Variants in GBF1 observed in about 807,000 individuals in gnomAD.
GBF1 encodes golgi brefeldin A resistant guanine nucleotide exchange factor 1.
A neutral mutation model predicts 210.5 loss-of-function variants in GBF1; 114 were observed. That is an observed-to-expected ratio of 0.54 (90% CI 0.47 to 0.63). GBF1 has a LOEUF of 0.63. GBF1 is among the 30% of genes least tolerant of loss of function. The pLI is 0.00. For missense variants in GBF1, 1,851 were observed against 2,357.7 expected (o/e 0.79, Z 4.45); for synonymous variants, 850 against 889.2 (o/e 0.96, Z 0.78).
the GBF1 span, among the ~76,000 whole-genome samples, chr10:102,235,097 G>A: frequency 2.8e-4 from 43 of 151,726 alleles, no homozygotes; most frequent in Middle Eastern, 3.2e-3. Context: ...GACACGTACC[G>A]TCACACAGTC....
intron 4 of GBF1, among the ~76,000 whole-genome samples, chr10:102,346,642 G>A (rs931704147): frequency 2.2e-4 from 33 of 152,146 alleles, no homozygotes; most frequent in Non-Finnish European, 4.3e-4. Flanking sequence ...CAAGTAGCTG[G>A]GACTATAGGC....
At chr10:102,232,020 C>T in the GBF1 span, 14 of 1,608,662 alleles carry the variant, frequency 8.7e-6, no homozygotes, top group African/African-American at 1.3e-5. Context: ...GGAGTGCCAG[C>T]GTCTGACAGC....
chr10:102,359,129 G>A lies in GBF1; in HGVS notation c.1012-138G>A, dbSNP rs1398713666. ...ATACTCCTACCTGAGCCATCTTGCGGTGATTCATAAACCACTGAGTTGGCC... is the reference window on the plus strand; with the variant it reads ...ATACTCCTACCTGAGCCATCTTGCGATGATTCATAAACCACTGAGTTGGCC... On this transcript the variant is annotated intron_variant, in intron 10 of 39. Coordinates refer to ENST00000369983, the MANE Select transcript of GBF1 (RefSeq NM_001377137.1). 8 of 671,230 alleles carry A rather than the reference G, an allele frequency of 1.2e-5. No homozygotes were observed. The East Asian group carries it at 2.2e-4, about 18-fold the overall frequency. 41.6% of individuals were successfully genotyped at this position (671,230 alleles called of 1,614,324 possible).
chr10:102,379,154 G>T, intron 33 of GBF1, 130 bp from the exon 34 acceptor site: 1 of 763,370 alleles, frequency 1.3e-6, no homozygotes, highest in South Asian at 1.8e-5. Context: ...AGAGTAGCGA[G>T]GGGGTGAGGT....
intron 3 of GBF1, among the ~76,000 whole-genome samples, chr10:102,285,802 G>A (rs2075882794): frequency 6.6e-6 from 1 of 151,904 alleles, no homozygotes; most frequent in African/African-American, 2.4e-5. Flanking sequence ...TAGAATTGTA[G>A]CTTTCCTTCT....
chr10:102,297,501 A>T (rs1307430653), intron 3 of GBF1, among the ~76,000 whole-genome samples: 1 of 152,240 alleles, frequency 6.6e-6, no homozygotes, highest in East Asian at 1.9e-4. Context: ...CATAGCAAAC[A>T]TCAGTTGAGG....
At chr10:102,346,726 T>G (rs1248040106) in intron 4 of GBF1, among the ~76,000 whole-genome samples, 1 of 152,184 alleles carries the variant, frequency 6.6e-6, no homozygotes, top group Non-Finnish European at 1.5e-5. Flanking sequence ...CAGGCTGGTC[T>G]TGAACTCCTG....
chr10:102,318,877 C>T (rs2056113432), intron 3 of GBF1, among the ~76,000 whole-genome samples: 1 of 152,186 alleles, frequency 6.6e-6, no homozygotes, highest in Non-Finnish European at 1.5e-5. Flanking sequence ...TCCATCCTCC[C>T]AATATAATTA....
chr10:102,249,858 A>C (rs1302144165), intron 1 of GBF1, among the ~76,000 whole-genome samples: 3 of 151,850 alleles, frequency 2.0e-5, no homozygotes, highest in Non-Finnish European at 4.4e-5. Flanking sequence ...CACCCAGCTA[A>C]TTTTTGTATT....
intron 3 of GBF1, among the ~76,000 whole-genome samples, chr10:102,323,972 T>C (rs1268197450): frequency 2.0e-5 from 3 of 152,116 alleles, no homozygotes; most frequent in African/African-American, 7.2e-5. Context: ...TTCCCCTCTT[T>C]TCCCCAGCAT....
chr10:102,247,553 G>GT (rs2071000475), intron 1 of GBF1, among the ~76,000 whole-genome samples: 1 of 152,156 alleles, frequency 6.6e-6, no homozygotes, highest in Non-Finnish European at 1.5e-5. Context: ...TCTAGTCTCT[G>GT]GGTAGGCAGT....
chr10:102,298,177 C>T (rs1409429027), intron 3 of GBF1, among the ~76,000 whole-genome samples: 2 of 152,114 alleles, frequency 1.3e-5, no homozygotes, highest in Admixed American at 1.3e-4. Context: ...TCGTGATCCC[C>T]CCGCCTCAGC....
chr10:102,231,877 TC>T, the GBF1 span: 2 of 1,567,234 alleles, frequency 1.3e-6, no homozygotes, highest in Non-Finnish European at 8.7e-7. Flanking sequence ...ACTCGCTGGC[TC>T]CCACCGGGGC....
Position 102,254,457 on chromosome 10 carries a change from A to G in GBF1, c.-10-4472A>G, listed in dbSNP as rs1038785773. Among the ~76,000 whole-genome samples the G allele has an allele frequency of 2.6e-5, 4 of 152,212 alleles. No homozygotes were observed. The East Asian group carries it at 7.7e-4, about 29-fold the overall frequency. On this transcript the variant is annotated intron_variant, in intron 1 of 39. Coordinates refer to ENST00000369983, the MANE Select transcript of GBF1 (RefSeq NM_001377137.1). ...TTCATATTTAAATAACCTGAGATATATTTTTGGTATTCCATTAAATAAGAA... is the reference window on the plus strand; with the variant it reads ...TTCATATTTAAATAACCTGAGATATGTTTTTGGTATTCCATTAAATAAGAA...
At chr10:102,308,295 A>G (rs2078103913) in intron 3 of GBF1, among the ~76,000 whole-genome samples, 1 of 152,122 alleles carries the variant, frequency 6.6e-6, no homozygotes, top group South Asian at 2.1e-4. Flanking sequence ...GGAATACTAT[A>G]AATAAATGAG....
intron 1 of GBF1, among the ~76,000 whole-genome samples, chr10:102,247,649 C>CT (rs1001679312): frequency 6.6e-6 from 1 of 152,054 alleles, no homozygotes; most frequent in East Asian, 1.9e-4. Flanking sequence ...CTCTCTCTTT[C>CT]TTTTTTTTAA....
chr10:102,238,934 T>C, the GBF1 span, among the ~76,000 whole-genome samples: 2 of 152,248 alleles, frequency 1.3e-5, no homozygotes, highest in East Asian at 3.8e-4. Context: ...AAATGAGCTC[T>C]GGAAGTATGC....
At chr10:102,379,480 T>C in intron 34 of GBF1, 41 bp from the exon 35 acceptor site, 1 of 1,613,960 alleles carries the variant, frequency 6.2e-7, no homozygotes, top group African/African-American at 1.3e-5. Context: ...AGCATCAGGA[T>C]CAAGATGCCT....
chr10:102,319,467 T>C (rs1016037848), intron 3 of GBF1, among the ~76,000 whole-genome samples: 14 of 152,200 alleles, frequency 9.2e-5, no homozygotes, highest in Admixed American at 9.2e-4. Context: ...ACTATTACTG[T>C]TTCTTCTCAA....
Sources: allele counts gnomAD v4.1 joint callset (sites outside exome capture counted in the v4.1 genomes callset), GRCh38; gene constraint gnomAD v4.1.1; transcripts MANE v1.5; gene names NCBI Gene and HGNC (gene_info 2026-07-23, HGNC 2026-07-21).